PITPNC1: variants seen among roughly 807,000 people sequenced by gnomAD.
PITPNC1 encodes the protein cytoplasmic phosphatidylinositol transfer protein 1.
Under a neutral mutation model 44.7 loss-of-function variants are expected in PITPNC1, and 18 were observed. That is an observed-to-expected ratio of 0.40 (90% CI 0.28 to 0.60). The LOEUF (loss-of-function observed/expected upper bound fraction) is 0.60. Among genes scored for constraint, PITPNC1 ranks in the 20% least tolerant of loss-of-function variants. PITPNC1 has a pLI of 0.39. For missense variants in PITPNC1, 290 were observed against 418.4 expected (o/e 0.69, Z 2.68); for synonymous variants, 141 against 149.6 (o/e 0.94, Z 0.42).
chr17:67,682,928 G>A (rs1270051573), intron 8 of PITPNC1, among the ~76,000 whole-genome samples: 4 of 152,026 alleles, frequency 2.6e-5, no homozygotes, highest in African/African-American at 9.7e-5. Context: ...TTGGGAGGCC[G>A]AGGCGGGTGA....
chr17:67,472,453 C>G (rs1384982532), intron 1 of PITPNC1, among the ~76,000 whole-genome samples: 1 of 150,160 alleles, frequency 6.7e-6, no homozygotes, highest in Non-Finnish European at 1.5e-5. Flanking sequence ...CGAGACCATC[C>G]TGGCTAACAC....
At chr17:67,488,370 T>C (rs1455577659) in intron 1 of PITPNC1, among the ~76,000 whole-genome samples, 1 of 152,156 alleles carries the variant, frequency 6.6e-6, no homozygotes, top group Non-Finnish European at 1.5e-5. Flanking sequence ...CAGACGGCCC[T>C]CCCTGTGCCC....
chr17:67,441,453 C>T (rs554377575), intron 1 of PITPNC1, among the ~76,000 whole-genome samples: 3 of 152,204 alleles, frequency 2.0e-5, no homozygotes, highest in South Asian at 4.1e-4. Flanking sequence ...TCGTGTGAGA[C>T]GGAAGCTAAC....
At chr17:67,685,857 G>T (rs879917507) in intron 8 of PITPNC1, among the ~76,000 whole-genome samples, 4 of 151,846 alleles carry the variant, frequency 2.6e-5, no homozygotes, top group African/African-American at 9.7e-5. Flanking sequence ...TTGAGACAGG[G>T]TCTCACTCTG....
chr17:67,450,231 T>C (rs2039156040), intron 1 of PITPNC1, among the ~76,000 whole-genome samples: 1 of 152,216 alleles, frequency 6.6e-6, no homozygotes. Flanking sequence ...CAATGGGCTG[T>C]GTGAATGCAA....
rs1416270230 is a variant in PITPNC1 at position 67,578,271 on chromosome 17, C to T, written c.366+14C>T. The T allele has an allele frequency of 6.3e-7, 1 of 1,581,466 alleles. No homozygotes were observed. The highest frequency in any genetic ancestry group is 1.7e-4 in the Middle Eastern group (1 of 6,000). ...AGCAATGACACCGTGAGTAGCCCCT[C>T]CTTCCATGCTGCGCTCGCCTCGTGG... On this transcript the variant is annotated intron_variant, in intron 5 of 8. Coordinates refer to ENST00000581322, the MANE Select transcript of PITPNC1 (RefSeq NM_012417.4).
chr17:67,680,469 G>A (rs1418985573), intron 8 of PITPNC1, among the ~76,000 whole-genome samples: 3 of 152,046 alleles, frequency 2.0e-5, no homozygotes, highest in African/African-American at 4.8e-5. Flanking sequence ...GCGTGGTTGC[G>A]GGCACCTGTA....
chr17:67,431,651 A>G (rs2038859169), intron 1 of PITPNC1, among the ~76,000 whole-genome samples: 1 of 152,202 alleles, frequency 6.6e-6, no homozygotes, highest in Admixed American at 6.5e-5. Flanking sequence ...TTACACGGTA[A>G]TTTGTAAAAG....
intron 1 of PITPNC1, among the ~76,000 whole-genome samples, chr17:67,391,032 G>C (rs62084081): frequency 0.3 from 45,474 of 151,446 alleles, 7,983 homozygotes; most frequent in African/African-American, 0.48. Context: ...GTAAGTTCTT[G>C]GTCAGATTGA....
At chr17:67,546,051 G>A (rs1046697743) in intron 2 of PITPNC1, among the ~76,000 whole-genome samples, 7 of 151,756 alleles carry the variant, frequency 4.6e-5, no homozygotes, top group African/African-American at 1.5e-4. Flanking sequence ...AAATTAACCG[G>A]GAGTGGTGTC....
intron 1 of PITPNC1, among the ~76,000 whole-genome samples, chr17:67,497,284 A>G (rs1024014804): frequency 3.2e-4 from 48 of 151,474 alleles, no homozygotes; most frequent in African/African-American, 1.0e-3. Context: ...CAATGGCGCA[A>G]TCGTGGCTCA....
intron 1 of PITPNC1, among the ~76,000 whole-genome samples, chr17:67,525,574 T>A (rs1186055525): frequency 2.0e-5 from 3 of 152,218 alleles, no homozygotes; most frequent in African/African-American, 7.2e-5. Flanking sequence ...AAATCTGGAC[T>A]CACTGGATCT....
chr17:67,489,715 T>C (rs573401144), intron 1 of PITPNC1, among the ~76,000 whole-genome samples: 2 of 152,334 alleles, frequency 1.3e-5, no homozygotes, highest in South Asian at 4.1e-4. Context: ...CCTTTCATGC[T>C]GTCTGTTGTC....
chr17:67,442,106 C>T (rs2039019658), intron 1 of PITPNC1, among the ~76,000 whole-genome samples: 1 of 150,438 alleles, frequency 6.6e-6, no homozygotes, highest in South Asian at 2.1e-4. Context: ...ACCATCTAAA[C>T]TTTTACTATT....
intron 6 of PITPNC1, among the ~76,000 whole-genome samples, chr17:67,665,494 G>A (rs183017451): frequency 2.0e-4 from 30 of 152,266 alleles, no homozygotes; most frequent in Non-Finnish European, 3.7e-4. Flanking sequence ...TTAATCTTTT[G>A]ATGAGCTACT....
intron 1 of PITPNC1, among the ~76,000 whole-genome samples, chr17:67,453,089 T>G (rs1285093981): frequency 1.3e-5 from 2 of 152,218 alleles, no homozygotes; most frequent in Non-Finnish European, 2.9e-5. Flanking sequence ...AGCTACTCTG[T>G]CTAGCTGATT....
chr17:67,474,630 A>G (rs9889536), intron 1 of PITPNC1, among the ~76,000 whole-genome samples: 242 of 152,180 alleles, frequency 1.6e-3, no homozygotes, highest in African/African-American at 5.7e-3. Context: ...ATTAACACAC[A>G]CAATTCTGGC....
intron 4 of PITPNC1, among the ~76,000 whole-genome samples, chr17:67,575,804 TTC>T (rs1369769072): frequency 1.0e-4 from 13 of 130,318 alleles, no homozygotes; most frequent in African/African-American, 3.5e-4. Context: ...CCTTCTTTCT[TTC>T]TTTCTTTCTT....
chr17:67,670,566 G>A (rs2042495572), intron 7 of PITPNC1, among the ~76,000 whole-genome samples: 1 of 151,790 alleles, frequency 6.6e-6, no homozygotes, highest in Non-Finnish European at 1.5e-5. Context: ...TGGCCAACCT[G>A]GTGAAACCCT....
Sources: allele counts gnomAD v4.1 joint callset (sites outside exome capture counted in the v4.1 genomes callset), GRCh38; gene constraint gnomAD v4.1.1; transcripts MANE v1.5; gene names NCBI Gene and HGNC (gene_info 2026-07-23, HGNC 2026-07-21).